EXTL3: variants seen among roughly 807,000 people sequenced by gnomAD.
The protein encoded by EXTL3 is exostosin-like 3.
In EXTL3, 27 loss-of-function variants were observed where a neutral mutation model predicts 69.3. The ratio of observed to expected loss-of-function variants is 0.39; its 90% CI spans 0.29 to 0.54. The LOEUF is 0.54. Ranked by LOEUF, EXTL3 falls within the 20% of genes least tolerant of loss-of-function variation. The probability of loss-of-function intolerance (pLI) is 0.69; values close to 1 mark genes in which losing one functional copy is unlikely to be tolerated. For synonymous variants in EXTL3, 511 were observed against 499.4 expected (o/e 1.02, Z -0.31); for missense variants, 1,003 against 1,231.8 (o/e 0.81, Z 2.78).
At position 28,718,044 on chromosome 8, in the gene EXTL3, A is replaced by C; in HGVS notation, c.1985A>C (p.Gln662Pro). Residue 662 changes from glutamine (Q) to proline (P), a missense_variant, in exon 3 of 7, where the codon CAG (glutamine) becomes CCG (proline). Physicochemically the swap from Gln to Pro is moderately conservative, Grantham distance 76 (BLOSUM62 -1). Around this residue, in one of 2 missense-constraint regions of EXTL3, gnomAD observed 261 missense variants for 416.4 expected, o/e 0.63. Coordinates refer to ENST00000220562, the MANE Select transcript of EXTL3 (RefSeq NM_001440.4). ...AALGGNVPRE[Q>P]FTVVMLTYER... is the part of the protein sequence containing the mutation. ...CTTGGAGGCAATGTTCCCCGAGAGC[A>C]GTTCACGGTGGTGATGTTGACTTAT... The C allele has an allele frequency of 6.2e-7, 1 of 1,613,770 alleles. No individual in the cohort carries two copies. Among genetic ancestry groups the C allele is most frequent in the Non-Finnish European group, 8.5e-7 (1 of 1,179,884 alleles).
At chr8:28,701,067 G>A (rs893609520), upstream of EXTL3, 2 of 152,292 alleles carry the variant, frequency 1.3e-5, no homozygotes, top group African/African-American at 2.4e-5. Flanking sequence ...ACTGCAGGCA[G>A]TTGCCGCGCA....
intron 1 of EXTL3, among the ~76,000 whole-genome samples, chr8:28,692,098 T>C (rs1800624327): frequency 6.6e-6 from 1 of 152,348 alleles, no homozygotes; most frequent in African/African-American, 2.4e-5. Context: ...GTATCCTTTT[T>C]CTAAATACCT....
At chr8:28,733,979 G>C (rs1280494851) in intron 4 of EXTL3, among the ~76,000 whole-genome samples, 1 of 151,870 alleles carries the variant, frequency 6.6e-6, no homozygotes, top group Admixed American at 6.6e-5. Context: ...CACCATGCCT[G>C]GCTAATGTTT....
intron 5 of EXTL3, chr8:28,742,407 TA>T (rs1378043366): frequency 6.4e-6 from 1 of 155,442 alleles, no homozygotes; most frequent in Non-Finnish European, 1.4e-5. Flanking sequence ...CTTTGCCTTT[TA>T]CTCTGAGTGA....
intron 1 of EXTL3, among the ~76,000 whole-genome samples, chr8:28,702,242 G>C (rs972749906): frequency 1.3e-5 from 2 of 152,190 alleles, no homozygotes; most frequent in African/African-American, 4.8e-5. Flanking sequence ...AGGAGCCACA[G>C]TCAGAGGAGC....
intron 1 of EXTL3, among the ~76,000 whole-genome samples, chr8:28,624,167 C>T (rs543063001): frequency 1.0e-3 from 153 of 152,306 alleles, no homozygotes; most frequent in African/African-American, 3.6e-3. Flanking sequence ...CCTTAACAAA[C>T]TCTGAGTACT....
intron 3 of EXTL3, among the ~76,000 whole-genome samples, chr8:28,721,251 T>C (rs931030874): frequency 2.0e-5 from 3 of 152,240 alleles, no homozygotes; most frequent in Non-Finnish European, 4.4e-5. Flanking sequence ...AGTTCTTTTA[T>C]ATGTAGCTGG....
rs1053906478 is a variant in EXTL3, at chr8:28,726,666, A to G, written c.2149-4557A>G. Among the ~76,000 whole-genome samples the G allele has an allele frequency of 1.8e-4, 27 of 152,212 alleles. 1 individual carries two copies. The highest frequency in any genetic ancestry group is 1.6e-3 in the Admixed American group (25 of 15,268). On this transcript the variant is annotated intron_variant, in intron 3 of 6. Transcript: ENST00000220562. The stretch of plus-strand genomic sequence containing the variant: ...CTGGCTTCTGCCCACTAGATACTAG[A>G]CGCAAGTAGCGCACCCTTTTCTCCA...
At chr8:28,654,682 T>G (rs1361296818) in intron 1 of EXTL3, among the ~76,000 whole-genome samples, 1 of 152,258 alleles carries the variant, frequency 6.6e-6, no homozygotes, top group Non-Finnish European at 1.5e-5. Context: ...CTTCTATTAT[T>G]ATATCCACAT....
At chr8:28,642,071 G>A (rs922902499) in intron 1 of EXTL3, among the ~76,000 whole-genome samples, 5 of 151,734 alleles carry the variant, frequency 3.3e-5, no homozygotes, top group Admixed American at 6.6e-5. Context: ...TCCTGACCTC[G>A]TGATCCGCCC....
intron 5 of EXTL3, chr8:28,740,638 G>C (rs1801755666): frequency 6.6e-6 from 1 of 152,092 alleles, no homozygotes; most frequent in Non-Finnish European, 1.5e-5. Flanking sequence ...AAAGCAGTTA[G>C]ATTGGTCCTC....
chr8:28,623,632 G>A lies in EXTL3; in HGVS notation c.-53+822G>A, dbSNP rs549982235. Among the ~76,000 whole-genome samples the A allele has an allele frequency of 1.3e-5, 2 of 152,254 alleles. No individual in the cohort carries two copies. The highest frequency in any genetic ancestry group is 4.8e-5 in the African/African-American group (2 of 41,520). Reference sequence around the variant, plus strand: ...TACTTTTCAAGGCTTGGCAAAGCACGTGTGTCTTTTGATCCTTATCCCCCA... The same window carrying A: ...TACTTTTCAAGGCTTGGCAAAGCACATGTGTCTTTTGATCCTTATCCCCCA... On this transcript the variant is annotated intron_variant, in intron 1 of 6. Coordinates refer to the EXTL3 transcript ENST00000523149. The surrounding 1 kb of genome is among the most constrained non-coding windows in gnomAD (Gnocchi z 4.2).
At chr8:28,641,520 A>G (rs1440260706) in intron 1 of EXTL3, among the ~76,000 whole-genome samples, 1 of 152,238 alleles carries the variant, frequency 6.6e-6, no homozygotes, top group Non-Finnish European at 1.5e-5. Context: ...TCTTTCCTCC[A>G]GGCTGGAGTG....
At position 28,753,236 on chromosome 8, in the gene EXTL3, C is replaced by G. The variant is rs1322197412; in HGVS notation, c.*2370C>G. 6.6e-6 allele frequency: 1 copy of G among 152,242 alleles called. No individual in the cohort carries two copies. Among genetic ancestry groups the G allele is most frequent in the South Asian group, 2.1e-4 (1 of 4,832 alleles). The allele number at this position is 152,242 out of a possible 1,614,324, so 9.4% of individuals were successfully genotyped here. ...TCAGGTGCTTCTCACCACGGGAAAG[C>G]CGCCGACCTGTGACTCGCTTGAGAT... On this transcript the variant is annotated 3_prime_UTR_variant, in exon 7 of 7. Transcript: ENST00000220562.
chr8:28,721,085 T>C (rs1801283566), intron 3 of EXTL3, among the ~76,000 whole-genome samples: 1 of 152,210 alleles, frequency 6.6e-6, no homozygotes. Flanking sequence ...AATTTTTTCT[T>C]TGTATTTGGT....
chr8:28,628,938 T>C (rs533671698), intron 1 of EXTL3, among the ~76,000 whole-genome samples: 36 of 152,306 alleles, frequency 2.4e-4, no homozygotes, highest in African/African-American at 7.9e-4. Context: ...AAAATGGGCA[T>C]CTCATAGATT....
At chr8:28,622,057 G>A (rs148573017), upstream of EXTL3, among the ~76,000 whole-genome samples, 133 of 152,314 alleles carry the variant, frequency 8.7e-4, no homozygotes, top group South Asian at 0.018. Flanking sequence ...TTTAGCCCCT[G>A]TCACACAGAA....
chr8:28,742,466 T>C (rs1377045134), intron 5 of EXTL3: 1 of 161,970 alleles, frequency 6.2e-6, no homozygotes, highest in Non-Finnish European at 1.4e-5. Flanking sequence ...TATGTTCAGT[T>C]GGTTTGAGTG....
intron 1 of EXTL3, among the ~76,000 whole-genome samples, chr8:28,638,041 T>G (rs572371064): frequency 6.6e-6 from 1 of 152,378 alleles, no homozygotes; most frequent in South Asian, 2.1e-4. Flanking sequence ...TCTCTTCTGC[T>G]GGCCCTGTCC....
Sources: gnomAD v4.1 joint callset for allele counts (sites outside exome capture counted in the v4.1 genomes callset) on GRCh38, gnomAD v4.1.1 for gene constraint, gnomAD v4.1.1 regional missense constraint, Gnocchi (gnomAD v3.1) non-coding constraint, MANE v1.5 for transcripts, NCBI Gene and HGNC (gene_info 2026-07-23, HGNC 2026-07-21) for gene names.